LRRC49: variants seen among roughly 807,000 people sequenced by gnomAD.
LRRC49 encodes leucine rich repeat containing 49.
In LRRC49, 50 loss-of-function variants were observed where a neutral mutation model predicts 83.3. The observed-to-expected ratio is 0.60, with a 90% CI of 0.48 to 0.76. The LOEUF is 0.76. Ranked by LOEUF, LRRC49 falls within the 30% of genes least tolerant of loss-of-function variation. The pLI, the probability that LRRC49 is intolerant of heterozygous loss-of-function variation, is 0.00. For missense variants in LRRC49, 704 were observed against 809.1 expected (o/e 0.87, Z 1.58); for synonymous variants, 286 against 283.3 (o/e 1.01, Z -0.10).
intron 8 of LRRC49, among the ~76,000 whole-genome samples, chr15:70,959,921 T>C (rs1402523671): frequency 6.6e-6 from 1 of 152,192 alleles, no homozygotes; most frequent in African/African-American, 2.4e-5. Context: ...TCATTTTTAT[T>C]CATAATGCTC....
chr15:70,991,075 A>G (rs1321106647), intron 11 of LRRC49, among the ~76,000 whole-genome samples: 1 of 152,222 alleles, frequency 6.6e-6, no homozygotes, highest in Non-Finnish European at 1.5e-5. Context: ...AACTACTGGT[A>G]GTAAGCAATT....
intron 8 of LRRC49, among the ~76,000 whole-genome samples, chr15:70,947,265 G>A (rs563636584): frequency 1.6e-4 from 24 of 152,074 alleles, no homozygotes; most frequent in Admixed American, 1.5e-3. Context: ...CCTCCTTCCT[G>A]TCCTTTACAA....
chr15:71,014,646 G>A (rs1388538310), intron 14 of LRRC49, among the ~76,000 whole-genome samples: 1 of 152,084 alleles, frequency 6.6e-6, no homozygotes, highest in African/African-American at 2.4e-5. Context: ...AGGAATATTA[G>A]TGGTTAATAA....
rs201021516 is a variant in LRRC49 at position 70,892,973 on chromosome 15, C to T, written c.48+31C>T. 67 of 1,610,618 alleles carry T rather than the reference C, an allele frequency of 4.2e-5. 1 individual carries two copies. In the Middle Eastern group the frequency reaches 2.5e-3, roughly 60 times the overall value. On this transcript the variant is annotated intron_variant, in intron 1 of 15. Transcript: ENST00000260382. ...TTGGGCCTTCTACTTTCTCTTTCTT[C>T]CCACTGGTACTCTTTCTGACTGGCG... is the stretch of plus-strand genomic sequence containing the variant.
intron 1 of LRRC49, among the ~76,000 whole-genome samples, chr15:70,872,365 G>A (rs1009998536): frequency 4.6e-5 from 7 of 151,956 alleles, no homozygotes; most frequent in Non-Finnish European, 5.9e-5. Context: ...GCCTCGGCTC[G>A]GCATCAGAGG....
At chr15:70,901,968 T>C (rs1348756065) in intron 4 of LRRC49, among the ~76,000 whole-genome samples, 4 of 152,200 alleles carry the variant, frequency 2.6e-5, no homozygotes. Flanking sequence ...TGCATACCTT[T>C]AGCTTAGCAG....
chr15:70,945,978 A>G (rs1394235409), intron 8 of LRRC49, among the ~76,000 whole-genome samples: 1 of 152,140 alleles, frequency 6.6e-6, no homozygotes, highest in Non-Finnish European at 1.5e-5. Context: ...AGTTGTATAT[A>G]TTTGTGGTAT....
At chr15:70,880,479 C>G (rs1439905593) in intron 2 of LRRC49, among the ~76,000 whole-genome samples, 1 of 152,068 alleles carries the variant, frequency 6.6e-6, no homozygotes, top group Non-Finnish European at 1.5e-5. Context: ...ATGGGAGGTA[C>G]TAAGGTAAAT....
chr15:70,963,984 G>A (rs2036703629), intron 9 of LRRC49, 52 bp downstream of exon 9: 1 of 1,544,850 alleles, frequency 6.5e-7, no homozygotes. Flanking sequence ...GTGTGGATTA[G>A]GAAATTGGGA....
At chr15:71,010,911 A>G (rs1567097828) in intron 13 of LRRC49, among the ~76,000 whole-genome samples, 1 of 152,104 alleles carries the variant, frequency 6.6e-6, no homozygotes. Context: ...ACTTTCTGGC[A>G]CAGTAACTGT....
At chr15:71,000,789 G>A (rs1276697174) in intron 11 of LRRC49, among the ~76,000 whole-genome samples, 1 of 151,630 alleles carries the variant, frequency 6.6e-6, no homozygotes, top group Non-Finnish European at 1.5e-5. Flanking sequence ...TTTGCTTTTG[G>A]GCCATTCTTT....
intron 1 of LRRC49, among the ~76,000 whole-genome samples, chr15:70,864,931 A>G (rs1364422266): frequency 2.0e-5 from 3 of 152,182 alleles, no homozygotes; most frequent in African/African-American, 7.2e-5. Context: ...TAGCTGCTTC[A>G]GTGCCAAATT....
intron 14 of LRRC49, among the ~76,000 whole-genome samples, chr15:71,026,529 A>T (rs2141283745): frequency 6.6e-6 from 1 of 152,246 alleles, no homozygotes; most frequent in South Asian, 2.1e-4. Context: ...TTACACTCCC[A>T]CCAACAGTGT....
rs77270179 is a variant in LRRC49, at chr15:70,949,441, G to A, written c.773+12619G>A. ...ACTGAGCTGCCAGTCATATCAAAGC[G>A]TAGCACATACAGTTATCTATGGCAC... On this transcript the variant is annotated intron_variant, in intron 8 of 15. Coordinates refer to ENST00000260382, the MANE Select transcript of LRRC49 (RefSeq NM_017691.5). Among the ~76,000 whole-genome samples the A allele has an allele frequency of 3.8e-3, 582 of 152,222 alleles. 5 individuals carry two copies. The highest frequency in any genetic ancestry group is 0.013 in the African/African-American group (558 of 41,534).
chr15:70,855,754 C>G (rs1459018927), intron 1 of LRRC49, among the ~76,000 whole-genome samples: 1 of 152,146 alleles, frequency 6.6e-6, no homozygotes, highest in Non-Finnish European at 1.5e-5. Context: ...AGAGAGAGAC[C>G]TTTGGTGCTA....
chr15:70,859,645 C>T (rs1366061348), intron 1 of LRRC49: 3 of 644,830 alleles, frequency 4.7e-6, no homozygotes, highest in Admixed American at 1.9e-5. Context: ...CCGAGATGAA[C>T]TGGAACATCA....
At chr15:71,048,154 T>A (rs539040081) in intron 15 of LRRC49, among the ~76,000 whole-genome samples, 1 of 149,158 alleles carries the variant, frequency 6.7e-6, no homozygotes, top group African/African-American at 2.5e-5. Context: ...GGCATGATCA[T>A]AGCTTAAACT....
intron 2 of LRRC49, among the ~76,000 whole-genome samples, chr15:70,875,240 G>A (rs995673385): frequency 3.9e-5 from 6 of 152,126 alleles, no homozygotes; most frequent in African/African-American, 1.4e-4. Flanking sequence ...TCCATCTAGT[G>A]TCTCTGTGAA....
chr15:70,933,458 T>A (rs759309892), intron 7 of LRRC49, among the ~76,000 whole-genome samples: 7 of 152,200 alleles, frequency 4.6e-5, no homozygotes, highest in African/African-American at 9.7e-5. Context: ...GGGTATTTAA[T>A]GCTTGACAGT....
Sources: allele counts gnomAD v4.1 joint callset (sites outside exome capture counted in the v4.1 genomes callset), GRCh38; gene constraint gnomAD v4.1.1; transcripts MANE v1.5; gene names NCBI Gene and HGNC (gene_info 2026-07-23, HGNC 2026-07-21).